The following ZNF503 variants were observed in gnomAD, a reference collection of about 807,000 sequenced individuals.
The protein encoded by ZNF503 is NocA-like zinc finger 2.
In ZNF503, 15 loss-of-function variants were observed where a neutral mutation model predicts 34.4. The observed-to-expected ratio is 0.44, with a 90% CI of 0.29 to 0.67. The LOEUF is 0.67. Among genes scored for constraint, ZNF503 ranks in the 30% least tolerant of loss-of-function variants. ZNF503 has a pLI of 0.13. For missense variants in ZNF503, 1,007 were observed against 926.8 expected (o/e 1.09, Z -1.12); for synonymous variants, 580 against 456.8 (o/e 1.27, Z -3.44).
the ZNF503 span, among the ~76,000 whole-genome samples, chr10:75,305,207 T>C: frequency 2.6e-5 from 4 of 152,132 alleles, no homozygotes; most frequent in African/African-American, 9.6e-5. Context: ...TATTTTTTCA[T>C]AGACTATTCA....
chr10:75,334,140 G>A, the ZNF503 span, among the ~76,000 whole-genome samples: 1 of 149,564 alleles, frequency 6.7e-6, no homozygotes, highest in Admixed American at 6.6e-5. Context: ...CGGGGTGGCG[G>A]CCGGGCAGAG....
the ZNF503 span, among the ~76,000 whole-genome samples, chr10:75,357,007 C>T: frequency 1.1e-4 from 17 of 152,220 alleles, no homozygotes; most frequent in Middle Eastern, 3.4e-3. Context: ...CAGGGTTCCT[C>T]AATTGGAAAT....
chr10:75,391,089 T>C, the ZNF503 span, among the ~76,000 whole-genome samples: 1 of 152,222 alleles, frequency 6.6e-6, no homozygotes, highest in Non-Finnish European at 1.5e-5. Context: ...TATTTCCAAA[T>C]ACAGTTACAT....
the ZNF503 span, among the ~76,000 whole-genome samples, chr10:75,379,905 T>C: frequency 6.6e-6 from 1 of 151,990 alleles, no homozygotes; most frequent in Non-Finnish European, 1.5e-5. Flanking sequence ...GGGCAGGGGG[T>C]CCTCATCACG....
chr10:75,372,820 G>T, the ZNF503 span, among the ~76,000 whole-genome samples: 27 of 152,184 alleles, frequency 1.8e-4, no homozygotes, highest in Admixed American at 1.8e-3. Flanking sequence ...GGGTCCCCAT[G>T]GCACCCTGAA....
chr10:75,364,923 G>A, the ZNF503 span, among the ~76,000 whole-genome samples: 1 of 152,198 alleles, frequency 6.6e-6, no homozygotes, highest in Non-Finnish European at 1.5e-5. Context: ...GCAGGTTTAG[G>A]TAAGTTAATG....
At chr10:75,382,399 T>G in the ZNF503 span, 11 of 367,706 alleles carry the variant, frequency 3.0e-5, 1 homozygote, top group South Asian at 2.9e-4. Flanking sequence ...TCAACTTGTA[T>G]TCCTCTGTTT....
chr10:75,292,164 T>C, the ZNF503 span, among the ~76,000 whole-genome samples: 3 of 152,216 alleles, frequency 2.0e-5, no homozygotes, highest in African/African-American at 7.2e-5. Context: ...GAAAAGGCCA[T>C]CACAGCCCTC....
At chr10:75,392,909 G>A (rs1348691079), downstream of ZNF503, among the ~76,000 whole-genome samples, 4 of 152,182 alleles carry the variant, frequency 2.6e-5, no homozygotes, top group African/African-American at 9.7e-5. Flanking sequence ...CATTAGGTTG[G>A]TATCAATGTC....
the ZNF503 span, among the ~76,000 whole-genome samples, chr10:75,302,590 T>G: frequency 1.8e-3 from 278 of 152,318 alleles, 8 homozygotes; most frequent in Admixed American, 0.017. Flanking sequence ...TGGTGTCTAG[T>G]ATACATACAC....
the ZNF503 span, among the ~76,000 whole-genome samples, chr10:75,282,880 G>C: frequency 6.6e-6 from 1 of 152,188 alleles, no homozygotes; most frequent in African/African-American, 2.4e-5. Context: ...ATATAAAGTA[G>C]GTGTTCAATA....
At chr10:75,396,552 G>A (rs1843699415), downstream of ZNF503, among the ~76,000 whole-genome samples, 1 of 152,212 alleles carries the variant, frequency 6.6e-6, no homozygotes, top group Admixed American at 6.5e-5. The surrounding 1 kb of genome is among the most constrained non-coding windows in gnomAD (Gnocchi z 4.4). Flanking sequence ...GGCAGGGGCC[G>A]CGGGCTGTCG....
At chr10:75,316,590 G>T in the ZNF503 span, among the ~76,000 whole-genome samples, 1 of 152,000 alleles carries the variant, frequency 6.6e-6, no homozygotes, top group Admixed American at 6.6e-5. Context: ...TGAACACATG[G>T]GCTCAAACAG....
At chr10:75,392,152 T>C in the ZNF503 span, among the ~76,000 whole-genome samples, 1 of 152,170 alleles carries the variant, frequency 6.6e-6, no homozygotes, top group Non-Finnish European at 1.5e-5. Context: ...GGGACAGTAA[T>C]AGTAACATGA....
At chr10:75,283,495 C>A in the ZNF503 span, 8 of 152,374 alleles carry the variant, frequency 5.3e-5, no homozygotes, top group African/African-American at 1.9e-4. Flanking sequence ...AAAAGCTCAG[C>A]CTGGAGCATT....
At chr10:75,393,862 AAAAAT>A (rs975598958), downstream of ZNF503, among the ~76,000 whole-genome samples, 2 of 152,210 alleles carry the variant, frequency 1.3e-5, no homozygotes, top group African/African-American at 4.8e-5. Context: ...CTGTCTCAAA[AAAAAT>A]AAAATAAAAC....
chr10:75,399,311 G>A lies in ZNF503; in HGVS notation c.1379C>T (p.Ala460Val). The A allele has an allele frequency of 6.2e-7, 1 of 1,600,766 alleles. No individual in the cohort carries two copies. ...SCAHDPAAAA[A>V]ALKSGYPLVY... ...CAGCGGGTATCCGGACTTCAGCGCC[G>A]CAGCCGCAGCAGCCGGATCATGTGC... is the stretch of plus-strand genomic sequence containing the variant. Residue 460 changes from alanine (A) to valine (V), a missense_variant, in exon 2 of 2, where the codon GCG (alanine) becomes GTG (valine). Physicochemically the swap from Ala to Val is moderately conservative, Grantham distance 64. Transcript: ENST00000372524.
At chr10:75,335,364 T>TG in the ZNF503 span, among the ~76,000 whole-genome samples, 881 of 152,350 alleles carry the variant, frequency 5.8e-3, 8 homozygotes, top group African/African-American at 0.02. Flanking sequence ...AGGCCTCCAC[T>TG]GGCTACTGGA....
At chr10:75,281,257 A>C in the ZNF503 span, among the ~76,000 whole-genome samples, 1 of 152,174 alleles carries the variant, frequency 6.6e-6, no homozygotes. Flanking sequence ...AGATGGGGCT[A>C]TAGGACTCAG....
Sources: allele counts gnomAD v4.1 joint callset (sites outside exome capture counted in the v4.1 genomes callset), GRCh38; gene constraint gnomAD v4.1.1; non-coding constraint Gnocchi (gnomAD v3.1); transcripts MANE v1.5; gene names NCBI Gene and HGNC (gene_info 2026-07-23, HGNC 2026-07-21).